The following ST8SIA6 variants were observed in gnomAD, a reference collection of about 807,000 sequenced individuals.
ST8SIA6 encodes the protein ST8 alpha-N-acetyl-neuraminide alpha-2,8-sialyltransferase 6.
ST8SIA6 carries 39 observed loss-of-function variants against 33.6 expected under a neutral mutation model. The observed-to-expected ratio is 1.16, with a 90% CI of 0.90 to 1.52. The LOEUF (loss-of-function observed/expected upper bound fraction) is 1.52. ST8SIA6 is among the 40% of genes most tolerant of loss of function. The pLI is 0.00. For missense variants in ST8SIA6, 441 were observed against 443.8 expected (o/e 0.99, Z 0.06); for synonymous variants, 172 against 167.2 (o/e 1.03, Z -0.22).
At chr10:17,426,874 G>T (rs531127548) in intron 2 of ST8SIA6, among the ~76,000 whole-genome samples, 1 of 152,194 alleles carries the variant, frequency 6.6e-6, no homozygotes, top group Non-Finnish European at 1.5e-5. Context: ...GGCAGAGGTG[G>T]GTGGATCACT....
intron 4 of ST8SIA6, among the ~76,000 whole-genome samples, chr10:17,335,599 C>G (rs1171317741): frequency 6.6e-6 from 1 of 152,046 alleles, no homozygotes; most frequent in Non-Finnish European, 1.5e-5. Context: ...CTTATTATTT[C>G]TTTTTGTATT....
intron 3 of ST8SIA6, among the ~76,000 whole-genome samples, chr10:17,371,048 C>T (rs1849716582): frequency 6.6e-6 from 1 of 152,154 alleles, no homozygotes; most frequent in Non-Finnish European, 1.5e-5. Context: ...AAGAAATCAG[C>T]AGCTTCTGGA....
chr10:17,336,081 A>G (rs12777652), intron 4 of ST8SIA6, among the ~76,000 whole-genome samples: 53,559 of 151,596 alleles, frequency 0.35, 10,840 homozygotes, highest in African/African-American at 0.54. Context: ...TCAGTCTCCC[A>G]AGTAGCTGGG....
At chr10:17,371,971 G>C (rs1849751018) in intron 3 of ST8SIA6, among the ~76,000 whole-genome samples, 1 of 151,992 alleles carries the variant, frequency 6.6e-6, no homozygotes, top group South Asian at 2.1e-4. Flanking sequence ...TGTATACTTT[G>C]AAAAAGCTCA....
intron 2 of ST8SIA6, among the ~76,000 whole-genome samples, chr10:17,398,438 A>G (rs543392366): frequency 1.3e-5 from 2 of 152,308 alleles, no homozygotes; most frequent in South Asian, 4.2e-4. Flanking sequence ...GATCATCCAC[A>G]AAGACCTCTA....
intron 2 of ST8SIA6, among the ~76,000 whole-genome samples, chr10:17,419,538 C>CA (rs1212451101): frequency 7.0e-6 from 1 of 142,876 alleles, no homozygotes; most frequent in Non-Finnish European, 1.5e-5. Context: ...TCAAAACAAG[C>CA]AAACAAAAAC....
chr10:17,358,687 A>C, intron 4 of ST8SIA6, among the ~76,000 whole-genome samples: 1 of 71,446 alleles, frequency 1.4e-5, no homozygotes, highest in South Asian at 5.4e-4. Context: ...AAGAAGAGGA[A>C]GAGGAAAAAG....
chr10:17,446,431 C>G (rs1056733308), intron 2 of ST8SIA6, among the ~76,000 whole-genome samples: 3 of 152,144 alleles, frequency 2.0e-5, no homozygotes, highest in Non-Finnish European at 2.9e-5. Flanking sequence ...TAAAAGGCTA[C>G]TTAAATGCTT....
intron 2 of ST8SIA6, among the ~76,000 whole-genome samples, chr10:17,418,708 G>A (rs570220347): frequency 6.6e-6 from 1 of 152,210 alleles, no homozygotes; most frequent in Non-Finnish European, 1.5e-5. Flanking sequence ...TTTAAGTCAA[G>A]CTAGCTGGGC....
chr10:17,424,730 C>T (rs1851881282), intron 2 of ST8SIA6, among the ~76,000 whole-genome samples: 1 of 151,650 alleles, frequency 6.6e-6, no homozygotes, highest in African/African-American at 2.4e-5. Flanking sequence ...TAATACATAA[C>T]ATCATAAATT....
intron 4 of ST8SIA6, among the ~76,000 whole-genome samples, chr10:17,333,702 TATA>T (rs1848390178): frequency 3.5e-5 from 1 of 28,618 alleles, no homozygotes; most frequent in Non-Finnish European, 6.2e-5. Context: ...TATATATATA[TATA>T]TATATATATA....
intron 5 of ST8SIA6, among the ~76,000 whole-genome samples, chr10:17,329,440 G>A (rs997563214): frequency 3.3e-5 from 5 of 152,056 alleles, no homozygotes; most frequent in Non-Finnish European, 7.4e-5. Flanking sequence ...CTTATTCCTG[G>A]TTATATCTGC....
intron 2 of ST8SIA6, among the ~76,000 whole-genome samples, chr10:17,404,342 G>A (rs1851169270): frequency 6.6e-6 from 1 of 152,110 alleles, no homozygotes; most frequent in Non-Finnish European, 1.5e-5. Context: ...CTCCCTCATA[G>A]GGGAAAATTT....
intron 2 of ST8SIA6, chr10:17,399,317 T>C (rs1850946025): frequency 6.6e-6 from 1 of 152,206 alleles, no homozygotes; most frequent in Admixed American, 6.5e-5. Context: ...GCTTGCAGAA[T>C]GAAAGCCGGC....
chr10:17,420,957 C>A (rs989005641), intron 2 of ST8SIA6, among the ~76,000 whole-genome samples: 2 of 152,146 alleles, frequency 1.3e-5, no homozygotes, highest in Admixed American at 1.3e-4. Flanking sequence ...ACCATCAGAT[C>A]TCATGAGAAC....
chr10:17,317,308 C>G lies in ST8SIA6; in HGVS notation c.*3570G>C, dbSNP rs2044301. On this transcript the variant is annotated 3_prime_UTR_variant, in exon 8 of 8. Coordinates refer to ENST00000377602, the MANE Select transcript of ST8SIA6 (RefSeq NM_001004470.3). ...GAGTGATGACCCAAAATAAGAAAGA[C>G]CATGAGAAATATTCTTGCCTTTCCA... 0.11 allele frequency among the ~76,000 whole-genome samples: 16,892 copies of G among 152,018 alleles called. 1,315 individuals are homozygous for G. Among genetic ancestry groups the G allele is most frequent in the East Asian group, 0.43 (2,228 of 5,154 alleles).
Position 17,323,111 on chromosome 10 carries a change from T to A in ST8SIA6, c.682A>T (p.Ser228Cys). The change falls in exon 7 of 8, where the codon AGT (serine) becomes TGT (cysteine). Residue 228 changes from serine (S) to cysteine (C), a missense_variant. Ser to Cys is a moderately radical substitution (Grantham distance 112). Coordinates refer to ENST00000377602, the MANE Select transcript of ST8SIA6 (RefSeq NM_001004470.3). Reference protein sequence around the residue: ...TTGDVSKDVGSKTNLVTINPS... With the variant: ...TTGDVSKDVGCKTNLVTINPS... ...TTTATAGTCACAAGATTTGTTTTAC[T>A]GCCAACATCTTTACTAACATCTCCT... 1 of 1,613,892 alleles carries A rather than the reference T, an allele frequency of 6.2e-7. No homozygotes were observed. The highest frequency in any genetic ancestry group is 1.1e-5 in the South Asian group (1 of 91,064).
intron 2 of ST8SIA6, among the ~76,000 whole-genome samples, chr10:17,445,220 A>T (rs1852663215): frequency 6.6e-6 from 1 of 152,220 alleles, no homozygotes; most frequent in Non-Finnish European, 1.5e-5. Flanking sequence ...AAAATGTCAA[A>T]TAAAACATTA....
chr10:17,454,229 G>A lies in ST8SIA6; in HGVS notation c.27C>T (p.Ala9=). ...GCAGCAGCAGCAGGCTGGCGAGCAG[G>A]GCGAGCAGTGCGCCCCCCGGCCGCA... is the stretch of plus-strand genomic sequence containing the variant. MRPGGALL[A]LLASLLLLLL... Residue 9 remains alanine, a synonymous_variant, in exon 1 of 8, where the codon GCC becomes GCT. Coordinates refer to ENST00000377602, the MANE Select transcript of ST8SIA6 (RefSeq NM_001004470.3). This position sits in a 1 kb window ranked among gnomAD's most constrained non-coding sequence, Gnocchi z 4.1. The A allele has an allele frequency of 3.8e-6, 1 of 260,002 alleles. No individual in the cohort carries two copies. Among genetic ancestry groups the A allele is most frequent in the Non-Finnish European group, 7.1e-6 (1 of 139,878 alleles). 16.1% of individuals were successfully genotyped at this position (260,002 alleles called of 1,614,324 possible).
Sources: allele counts gnomAD v4.1 joint callset (sites outside exome capture counted in the v4.1 genomes callset), GRCh38; gene constraint gnomAD v4.1.1; non-coding constraint Gnocchi (gnomAD v3.1); transcripts MANE v1.5; gene names NCBI Gene and HGNC (gene_info 2026-07-23, HGNC 2026-07-21).